The following GLRB variants were observed in gnomAD, a reference collection of about 807,000 sequenced individuals.
GLRB encodes the protein glycine receptor beta.
Under a neutral mutation model 54.2 loss-of-function variants are expected in GLRB, and 33 were observed. That is an observed-to-expected ratio of 0.61 (90% confidence interval 0.46 to 0.81). The LOEUF is 0.81. Among genes scored for constraint, GLRB ranks in the 40% least tolerant of loss-of-function variants. The pLI, the probability that GLRB is intolerant of heterozygous loss-of-function variation, is 0.00. For synonymous variants in GLRB, 209 were observed against 208.2 expected (o/e 1.00, Z -0.03); for missense variants, 572 against 584.6 (o/e 0.98, Z 0.22).
At chr4:157,152,300 T>C (rs1366758566) in intron 8 of GLRB, among the ~76,000 whole-genome samples, 1 of 152,138 alleles carries the variant, frequency 6.6e-6, no homozygotes, top group Non-Finnish European at 1.5e-5. Context: ...CTGATTTAGT[T>C]GCTCATGGGG....
chr4:157,100,849 A>G (rs537264846), intron 2 of GLRB, among the ~76,000 whole-genome samples: 1 of 152,162 alleles, frequency 6.6e-6, no homozygotes, highest in African/African-American at 2.4e-5. Flanking sequence ...CACTTTGAAA[A>G]ATGAGAACTA....
chr4:157,078,065 C>T lies in GLRB; in HGVS notation c.41C>T (p.Ser14Phe). The T allele has an allele frequency of 6.2e-7, 1 of 1,610,890 alleles. No individual in the cohort carries two copies. Among genetic ancestry groups the T allele is most frequent in the East Asian group, 2.2e-5 (1 of 44,680 alleles). ...ACAACTGCCTTTTTAATTTTAATTT[C>T]CTTGTGGGTGGAAGAAGCCTATTCT... is the stretch of plus-strand genomic sequence containing the variant. The part of the protein sequence containing the change: ...LLTTAFLILI[S>F]LWVEEAYSKE... Residue 14 changes from serine (S) to phenylalanine (F), a missense_variant, in exon 2 of 10, where the codon TCC becomes TTC. By Grantham distance (155) the Ser-to-Phe change is radical. Transcript: ENST00000264428.
chr4:157,136,469 G>T lies in GLRB; in HGVS notation c.298G>T (p.Asp100Tyr), dbSNP rs1009262193. 6.4e-7 allele frequency: 1 copy of T among 1,556,354 alleles called. No individual in the cohort carries two copies. Among genetic ancestry groups the T allele is most frequent in the Non-Finnish European group, 8.9e-7 (1 of 1,127,718 alleles). The change falls in exon 5 of 10, where the codon GAC (aspartate) becomes TAC (tyrosine). Residue 100 changes from aspartate to tyrosine, a missense_variant and splice_region_variant. Physicochemically the swap from Asp to Tyr is radical, Grantham distance 160. Coordinates refer to ENST00000264428, the MANE Select transcript of GLRB (RefSeq NM_000824.5). The part of the protein sequence containing the change: ...SFGSIQETTM[D>Y]YRVNIFLRQK... ...GTGCACGCATGTACTTTTTCTTCAG[G>T]ACTATAGAGTTAACATCTTCCTGAG... is the stretch of plus-strand genomic sequence containing the variant.
chr4:157,159,269 A>G (rs1045031877), intron 9 of GLRB, among the ~76,000 whole-genome samples: 4 of 152,166 alleles, frequency 2.6e-5, no homozygotes, highest in African/African-American at 7.2e-5. Flanking sequence ...CAATCATGTC[A>G]TCTGCAAACA....
At chr4:157,086,667 A>G (rs1225881454) in intron 2 of GLRB, among the ~76,000 whole-genome samples, 1 of 152,216 alleles carries the variant, frequency 6.6e-6, no homozygotes, top group African/African-American at 2.4e-5. Context: ...TTATCGAATT[A>G]AGACCAAAGA....
intron 2 of GLRB, 56 bp from the exon 3 acceptor site, chr4:157,120,500 C>T (rs1735773356): frequency 1.2e-6 from 1 of 863,578 alleles, no homozygotes; most frequent in Non-Finnish European, 1.9e-6. Flanking sequence ...GAGAATTACC[C>T]ATTTCTGTTG....
chr4:157,141,208 T>C (rs1736597147), intron 7 of GLRB, among the ~76,000 whole-genome samples: 1 of 151,990 alleles, frequency 6.6e-6, no homozygotes, highest in Non-Finnish European at 1.5e-5. Context: ...TCTCATTAGC[T>C]ACAGAAAATA....
rs548992724 is a variant in GLRB, at chr4:157,096,499, A to G, written c.122+18353A>G. Among the ~76,000 whole-genome samples, 17 of 152,290 alleles carry G rather than the reference A, an allele frequency of 1.1e-4. No individual in the cohort carries two copies. The South Asian group carries it at 3.5e-3, about 32-fold the overall frequency. On this transcript the variant is annotated intron_variant, in intron 2 of 9. Coordinates refer to ENST00000264428, the MANE Select transcript of GLRB (RefSeq NM_000824.5). Reference sequence around the variant, plus strand: ...TCTAGCTTATTCAATAAAAAGTTACATTGGTTTCCAAACAATGGTCAAGAG... The same window carrying G: ...TCTAGCTTATTCAATAAAAAGTTACGTTGGTTTCCAAACAATGGTCAAGAG...
chr4:157,138,354 G>A (rs1736484353), intron 6 of GLRB, among the ~76,000 whole-genome samples: 1 of 152,180 alleles, frequency 6.6e-6, no homozygotes, highest in South Asian at 2.1e-4. Context: ...GATTACAGGT[G>A]TCAGCCACCG....
At chr4:157,156,181 G>T (rs775887770) in intron 9 of GLRB, among the ~76,000 whole-genome samples, 11 of 152,148 alleles carry the variant, frequency 7.2e-5, no homozygotes, top group Non-Finnish European at 1.3e-4. Flanking sequence ...TCTATAGATT[G>T]CTTTGGGCAG....
chr4:157,078,328 A>T, intron 2 of GLRB, 182 bp downstream of exon 2: 3 of 548,942 alleles, frequency 5.5e-6, no homozygotes, highest in Non-Finnish European at 7.0e-6. Flanking sequence ...TTAATTCCCA[A>T]TGTTCAAGGT....
intron 2 of GLRB, among the ~76,000 whole-genome samples, chr4:157,093,561 C>G (rs962988913): frequency 2.6e-5 from 4 of 152,086 alleles, no homozygotes; most frequent in Non-Finnish European, 2.9e-5. Context: ...TCGAGACCAT[C>G]CTGGCCAACA....
At position 157,152,813 on chromosome 4, in the gene GLRB, A is replaced by G; in HGVS notation, c.1000A>G (p.Ile334Val). 1 of 1,613,934 alleles carries G rather than the reference A, an allele frequency of 6.2e-7. No homozygotes were observed. The highest frequency in any genetic ancestry group is 8.5e-7 in the Non-Finnish European group (1 of 1,179,926). The change falls in exon 9 of 10, where the codon ATT (isoleucine) becomes GTT (valine). Residue 334 changes from isoleucine to valine, a missense_variant. Ile to Val is a conservative substitution (Grantham distance 29). Coordinates refer to ENST00000264428, the MANE Select transcript of GLRB (RefSeq NM_000824.5). ...SYVKALDVWL[I>V]ACLLFGFASL... ...TGTGAAGGCTCTTGATGTTTGGCTT[A>G]TTGCTTGCCTTCTCTTTGGGTTTGC...
intron 7 of GLRB, among the ~76,000 whole-genome samples, chr4:157,141,804 T>C (rs537639167): frequency 1.3e-5 from 2 of 152,186 alleles, no homozygotes; most frequent in Admixed American, 6.5e-5. Context: ...CCAAGTCTTG[T>C]GAAGCTCCCC....
At chr4:157,118,372 C>G (rs1368913439) in intron 2 of GLRB, among the ~76,000 whole-genome samples, 1 of 151,594 alleles carries the variant, frequency 6.6e-6, no homozygotes, top group Non-Finnish European at 1.5e-5. Flanking sequence ...ATCCAATTTT[C>G]CCACGTGCGC....
chr4:157,150,361 A>G (rs931418035), intron 8 of GLRB, among the ~76,000 whole-genome samples: 2 of 152,020 alleles, frequency 1.3e-5, no homozygotes, highest in Non-Finnish European at 2.9e-5. Flanking sequence ...TATATCTGAT[A>G]TGATAAAAGT....
At chr4:157,161,079 T>G (rs1309378576) in intron 9 of GLRB, among the ~76,000 whole-genome samples, 1 of 152,204 alleles carries the variant, frequency 6.6e-6, no homozygotes, top group Non-Finnish European at 1.5e-5. Context: ...CCCTTTACCA[T>G]TATGTAATGG....
chr4:157,084,633 A>G (rs1432163575), intron 2 of GLRB: 1 of 456,144 alleles, frequency 2.2e-6, no homozygotes, highest in Non-Finnish European at 4.4e-6. Flanking sequence ...AAATGGTTTG[A>G]TGCCGTTATG....
chr4:157,112,898 A>T (rs1457479481), intron 2 of GLRB, among the ~76,000 whole-genome samples: 2 of 151,928 alleles, frequency 1.3e-5, no homozygotes, highest in African/African-American at 4.8e-5. Flanking sequence ...GGGGCACTGC[A>T]GCATCCACCA....
Sources: gnomAD v4.1 joint callset for allele counts (sites outside exome capture counted in the v4.1 genomes callset) on GRCh38, gnomAD v4.1.1 for gene constraint, MANE v1.5 for transcripts, NCBI Gene and HGNC (gene_info 2026-07-23, HGNC 2026-07-21) for gene names.